SLC15A5: variants seen among roughly 807,000 people sequenced by gnomAD.
The protein encoded by SLC15A5 is Peptide/histidine transporter ENSP00000340402.
SLC15A5 carries 58 observed loss-of-function variants against 56.1 expected under a neutral mutation model. The ratio of observed to expected loss-of-function variants is 1.03; its 90% confidence interval spans 0.84 to 1.29. SLC15A5 has a LOEUF of 1.29. Ranked by LOEUF, SLC15A5 falls within the 50% of genes most tolerant of loss-of-function variation. The pLI is 0.00. For missense variants in SLC15A5, 681 were observed against 672.1 expected (o/e 1.01, Z -0.15); for synonymous variants, 264 against 250.5 (o/e 1.05, Z -0.51).
chr12:16,222,360 T>C (rs1449682894), intron 6 of SLC15A5, among the ~76,000 whole-genome samples: 2 of 150,784 alleles, frequency 1.3e-5, no homozygotes, highest in Non-Finnish European at 3.0e-5. Flanking sequence ...AGAAAGGTAA[T>C]ACTTGATTTT....
chr12:16,221,430 A>G (rs578138902), intron 6 of SLC15A5, among the ~76,000 whole-genome samples: 34 of 152,316 alleles, frequency 2.2e-4, no homozygotes, highest in Middle Eastern at 3.4e-3. Flanking sequence ...TTGAAAACAG[A>G]GGAAAGGGAA....
intron 6 of SLC15A5, among the ~76,000 whole-genome samples, chr12:16,223,787 C>T (rs1046324247): frequency 6.6e-6 from 1 of 151,748 alleles, no homozygotes; most frequent in East Asian, 1.9e-4. Flanking sequence ...ACAATCTCGG[C>T]TCACTGCAAC....
In SLC15A5 at chr12:16,275,137, A is replaced by C. The variant is rs1388508946; in HGVS notation, c.361+2188T>G. ...AAGTGATGGATGCAATCGTATAAGT[A>C]TTATATGGGTGTGGTTGAACACAGA... On this transcript the variant is annotated intron_variant, in intron 1 of 8. Transcript: ENST00000344941. Among the ~76,000 whole-genome samples the C allele has an allele frequency of 3.0e-4, 45 of 152,178 alleles. 1 individual carries two copies. The highest frequency in any genetic ancestry group is 9.6e-4 in the African/African-American group (40 of 41,552).
At chr12:16,274,719 A>C (rs757341847) in intron 1 of SLC15A5, among the ~76,000 whole-genome samples, 3 of 152,092 alleles carry the variant, frequency 2.0e-5, no homozygotes, top group Non-Finnish European at 4.4e-5. Context: ...GGCTAGACAA[A>C]GGGATGTCCA....
chr12:16,196,077 G>A lies in SLC15A5; in HGVS notation c.1484-1624C>T, dbSNP rs1341688501. Among the ~76,000 whole-genome samples the A allele has an allele frequency of 6.6e-6, 1 of 152,022 alleles. No homozygotes were observed. Among genetic ancestry groups the A allele is most frequent in the Non-Finnish European group, 1.5e-5 (1 of 67,988 alleles). ...CTATTAATTTGCAGTAGCTGTGTGT[G>A]TCTTATTTATCCTTATATTTTCAGT... On this transcript the variant is annotated intron_variant, in intron 7 of 8. Coordinates refer to ENST00000344941, the MANE Select transcript of SLC15A5 (RefSeq NM_001170798.1). The surrounding 1 kb of genome is among the most constrained non-coding windows in gnomAD (Gnocchi z 4.0).
intron 7 of SLC15A5, among the ~76,000 whole-genome samples, chr12:16,200,271 A>C (rs2136239595): frequency 6.6e-6 from 1 of 151,590 alleles, no homozygotes; most frequent in East Asian, 1.9e-4. Context: ...AATCTCAGCA[A>C]AGTTGAATTC....
intron 5 of SLC15A5, 121 bp from the exon 6 acceptor site, chr12:16,224,723 T>A (rs1230426252): frequency 6.0e-6 from 6 of 995,908 alleles, no homozygotes; most frequent in Middle Eastern, 3.3e-4. Context: ...TTTGTTTTTA[T>A]TTTTTTTTAA....
Position 16,217,025 on chromosome 12 carries a change from C to T in SLC15A5, c.1352-1G>A. 6 of 1,529,590 alleles carry T rather than the reference C, an allele frequency of 3.9e-6. No homozygotes were observed. Among genetic ancestry groups the T allele is most frequent in the Non-Finnish European group, 5.2e-6 (6 of 1,144,540 alleles). The allele number at this position is 1,529,590 out of a possible 1,614,324, so 94.8% of individuals were successfully genotyped here. ...ACAAATCTGTATGATATTACAGAGA[C>T]TGAGAGAAAAAGAGAGGTCAGAATT... is the stretch of plus-strand genomic sequence containing the variant. On this transcript the variant is annotated splice_acceptor_variant, in intron 6 of 8. Transcript: ENST00000344941. LOFTEE classifies it high-confidence loss of function.
At chr12:16,224,169 C>G (rs1162629601) in intron 6 of SLC15A5, among the ~76,000 whole-genome samples, 1 of 152,110 alleles carries the variant, frequency 6.6e-6, no homozygotes, top group Non-Finnish European at 1.5e-5. Flanking sequence ...TTGCCTTTAA[C>G]CAGATTAAAA....
At chr12:16,234,236 G>C (rs2136254691) in intron 5 of SLC15A5, among the ~76,000 whole-genome samples, 1 of 152,222 alleles carries the variant, frequency 6.6e-6, no homozygotes, top group South Asian at 2.1e-4. Context: ...GTGGAACACT[G>C]ATGACTCACT....
At chr12:16,260,761 T>G (rs1864636033) in intron 2 of SLC15A5, among the ~76,000 whole-genome samples, 1 of 151,656 alleles carries the variant, frequency 6.6e-6, no homozygotes, top group Non-Finnish European at 1.5e-5. Context: ...TTTTCCCGTT[T>G]TTTTTTTTAG....
At position 16,244,624 on chromosome 12, in the gene SLC15A5, G is replaced by T; in HGVS notation, c.931C>A (p.Pro311Thr). 6.5e-7 allele frequency: 1 copy of T among 1,537,724 alleles called. No homozygotes were observed. The highest frequency in any genetic ancestry group is 8.7e-7 in the Non-Finnish European group (1 of 1,147,030). ...TATAGGAGCTGAAAAATGAAGAGAG[G>T]GAGAAGGGTGAGGAAAAATGTTGTG... ...EDTTFFLTLL[P>T]LFIFQLLYRM... is the part of the protein sequence containing the mutation. Residue 311 changes from proline to threonine, a missense_variant, in exon 4 of 9, where the codon CCT becomes ACT. Pro to Thr is a conservative substitution (Grantham distance 38, BLOSUM62 -1). Transcript: ENST00000344941.
chr12:16,244,869 G>A, intron 3 of SLC15A5, 69 bp from the exon 4 acceptor site: 1 of 1,437,020 alleles, frequency 7.0e-7, no homozygotes. Context: ...ATGCTGATCA[G>A]AAAGATAACG....
In SLC15A5 at chr12:16,272,688, T is replaced by G. The variant is rs902881249; in HGVS notation, c.457A>C (p.Arg153=). The change falls in exon 2 of 9, where the codon AGG becomes CGG. Residue 153 remains arginine, a synonymous_variant. Coordinates refer to ENST00000344941, the MANE Select transcript of SLC15A5 (RefSeq NM_001170798.1). ...GTCAGCAGTGCTACATAAAACAGCC[T>G]GTGCTGCTCTGTTTTTGGTATGTTG... The part of the protein sequence containing the change: ...VNNIPKTEQH[R]LFYVALLTIC... The G allele has an allele frequency of 7.2e-6, 11 of 1,537,092 alleles. No homozygotes were observed. Among genetic ancestry groups the G allele is most frequent in the Non-Finnish European group, 9.6e-6 (11 of 1,146,774 alleles).
At chr12:16,197,421 T>G (rs1268847963) in intron 7 of SLC15A5, among the ~76,000 whole-genome samples, 1 of 110,996 alleles carries the variant, frequency 9.0e-6, no homozygotes. Context: ...GAATTGGGTA[T>G]AAAAAGATAT....
At position 16,209,436 on chromosome 12, in the gene SLC15A5, T is replaced by G. The variant is rs185967347; in HGVS notation, c.1483+7457A>C. 6.9e-3 allele frequency among the ~76,000 whole-genome samples: 1,048 copies of G among 152,280 alleles called. 2 individuals carry two copies. Among genetic ancestry groups the G allele is most frequent in the Non-Finnish European group, 9.8e-3 (666 of 68,014 alleles). ...CTCACACTATGTAATTTCATTCATT[T>G]CCATGGTTTCAAACGTTATTTTTGT... On this transcript the variant is annotated intron_variant, in intron 7 of 8. Coordinates refer to ENST00000344941, the MANE Select transcript of SLC15A5 (RefSeq NM_001170798.1).
At position 16,272,586 on chromosome 12, in the gene SLC15A5, G is replaced by A; in HGVS notation, c.559C>T (p.Gln187Ter). 1.3e-6 allele frequency: 2 copies of A among 1,536,752 alleles called. No homozygotes were observed. Among genetic ancestry groups the A allele is most frequent in the Non-Finnish European group, 1.7e-6 (2 of 1,146,590 alleles). ...GAFGLQEYGS[Q>*]KTMSFFNWFY... ...CAGTTAAAAAAAGACATCGTTTTTTGTGATCCATACTCCTGAAGGCCAAAA... is the reference window on the plus strand; with the variant it reads ...CAGTTAAAAAAAGACATCGTTTTTTATGATCCATACTCCTGAAGGCCAAAA... The change falls in exon 2 of 9, where the codon CAA becomes TAA. Residue 187 changes from glutamine (Q) to a stop codon, truncating the protein, a stop_gained. Transcript: ENST00000344941. LOFTEE classifies it high-confidence loss of function.
chr12:16,253,764 A>G (rs1416267799), intron 3 of SLC15A5, among the ~76,000 whole-genome samples: 1 of 152,138 alleles, frequency 6.6e-6, no homozygotes, highest in East Asian at 1.9e-4. Context: ...CAGTATTAAA[A>G]GATCAGAAAA....
intron 4 of SLC15A5, among the ~76,000 whole-genome samples, chr12:16,242,603 G>C (rs769610129): frequency 3.3e-5 from 5 of 152,188 alleles, no homozygotes; most frequent in Admixed American, 6.5e-5. Flanking sequence ...TAGGTGATCA[G>C]TAACTATTAG....
Sources: gnomAD v4.1 joint callset for allele counts (sites outside exome capture counted in the v4.1 genomes callset) on GRCh38, gnomAD v4.1.1 for gene constraint, Gnocchi (gnomAD v3.1) non-coding constraint, MANE v1.5 for transcripts, NCBI Gene and HGNC (gene_info 2026-07-23, HGNC 2026-07-21) for gene names.